ADAM23: variants seen among roughly 807,000 people sequenced by gnomAD.
ADAM23 encodes ADAM metallopeptidase domain 23, also known as disintegrin and metalloproteinase domain-containing protein 23.
Under a neutral mutation model 120.1 loss-of-function variants are expected in ADAM23, and 33 were observed. That is an observed-to-expected ratio of 0.27 (90% confidence interval 0.21 to 0.37). The LOEUF is 0.37. ADAM23 is among the 10% of genes least tolerant of loss of function. ADAM23 has a pLI of 1.00. For missense variants in ADAM23, 862 were observed against 1,058.2 expected, an observed-to-expected ratio of 0.81 and a Z score of 2.57; for synonymous variants, 367 against 375.2, an observed-to-expected ratio of 0.98 and a Z score of 0.25.
At position 206,444,068 on chromosome 2, in the gene ADAM23, G is replaced by A. The variant is rs1420777156; in HGVS notation, c.202G>A (p.Ala68Thr). ...GTCCCGGCCCCGCGCCTGGGGGGCT[G>A]CTGCGCCCAGCGGTGGGTATGGCCC... is the stretch of plus-strand genomic sequence containing the variant. ...ASSRPRAWGA[A>T]APSAPHWNET... The change falls in exon 1 of 26, where the codon GCT becomes ACT. Residue 68 changes from alanine to threonine, a missense_variant. Transcript: ENST00000264377. 1.5e-6 allele frequency: 2 copies of A among 1,368,900 alleles called. No individual in the cohort carries two copies. The highest frequency in any genetic ancestry group is 1.9e-6 in the Non-Finnish European group (2 of 1,059,484). The allele number at this position is 1,368,900 out of a possible 1,614,324, so 84.8% of individuals were successfully genotyped here.
At chr2:206,602,860 A>C (rs1682911205) in intron 24 of ADAM23, among the ~76,000 whole-genome samples, 1 of 152,172 alleles carries the variant, frequency 6.6e-6, no homozygotes, top group Admixed American at 6.5e-5. Context: ...CAAGACTGAA[A>C]ATAATAATAA....
chr2:206,577,898 A>G lies in ADAM23; in HGVS notation c.1737+4703A>G, dbSNP rs561148441. Among the ~76,000 whole-genome samples, 458 of 151,208 alleles carry G rather than the reference A, an allele frequency of 3.0e-3. 2 individuals are homozygous for G. The highest frequency in any genetic ancestry group is 0.01 in the African/African-American group (432 of 41,170). On this transcript the variant is annotated intron_variant, in intron 18 of 25. Coordinates refer to ENST00000264377, the MANE Select transcript of ADAM23 (RefSeq NM_003812.4). ...CCACCAACAGTGTAAAAGTGTTCCT[A>G]TTTCTCCACATCCTCTCCAGCACCT...
At chr2:206,507,412 C>T (rs1372405001) in intron 3 of ADAM23, among the ~76,000 whole-genome samples, 3 of 152,066 alleles carry the variant, frequency 2.0e-5, no homozygotes, top group African/African-American at 4.8e-5. Flanking sequence ...CAGCACCACC[C>T]CCCTTGCATC....
chr2:206,567,384 C>T, intron 15 of ADAM23, 62 bp downstream of exon 15: 1 of 1,372,680 alleles, frequency 7.3e-7, no homozygotes, highest in Non-Finnish European at 1.0e-6. Context: ...TACAGTGCAA[C>T]AGTGCTGGAT....
chr2:206,579,448 A>G (rs1317465439), intron 18 of ADAM23, among the ~76,000 whole-genome samples: 1 of 152,156 alleles, frequency 6.6e-6, no homozygotes, highest in Non-Finnish European at 1.5e-5. Flanking sequence ...ATTCTCCTAC[A>G]TGTGGCTAGC....
intron 3 of ADAM23, among the ~76,000 whole-genome samples, chr2:206,489,603 A>G (rs932008061): frequency 1.3e-5 from 2 of 152,172 alleles, no homozygotes; most frequent in South Asian, 2.1e-4. Context: ...GCCAAGCCCT[A>G]TGTGTACCCA....
At chr2:206,553,207 A>G (rs56090522) in intron 9 of ADAM23, among the ~76,000 whole-genome samples, 7 of 152,098 alleles carry the variant, frequency 4.6e-5, no homozygotes, top group African/African-American at 1.7e-4. Context: ...GTGAAACCCC[A>G]TTTCTACTAA....
chr2:206,503,084 C>T (rs34346460), intron 3 of ADAM23, among the ~76,000 whole-genome samples: 12,414 of 152,138 alleles, frequency 0.082, 533 homozygotes, highest in Middle Eastern at 0.12. Context: ...TATACATGTG[C>T]GTTATAATAT....
chr2:206,551,363 C>T (rs1697521960), intron 9 of ADAM23, among the ~76,000 whole-genome samples: 2 of 151,966 alleles, frequency 1.3e-5, no homozygotes, highest in African/African-American at 4.8e-5. Flanking sequence ...ACTGTTTAGG[C>T]CAATTGTAAT....
intron 3 of ADAM23, among the ~76,000 whole-genome samples, chr2:206,524,543 A>T (rs567240374): frequency 7.9e-5 from 12 of 152,338 alleles, no homozygotes; most frequent in Admixed American, 7.8e-4. Flanking sequence ...GTAATTTATA[A>T]AGAAAAAGAG....
rs1450865901 is a variant in ADAM23, at chr2:206,618,698, A to C, written c.*1071A>C. 1 of 152,208 alleles carries C rather than the reference A, an allele frequency of 6.6e-6. No individual in the cohort carries two copies. The highest frequency in any genetic ancestry group is 1.9e-4 in the East Asian group (1 of 5,194). The allele number at this position is 152,208 out of a possible 1,614,324, so 9.4% of individuals were successfully genotyped here. ...GCAGTTTAAAGTTGGTGTGCGTTAA[A>C]CCAAAAATAAAAGGGGGGACATAAA... On this transcript the variant is annotated 3_prime_UTR_variant, in exon 26 of 26. Coordinates refer to ENST00000264377, the MANE Select transcript of ADAM23 (RefSeq NM_003812.4).
rs1011999506 is a variant in ADAM23, at chr2:206,553,681, T to G, written c.933+3521T>G. ...ATGCTTTCTATGAGATGAAGGTTGT[T>G]TTTAAATTTGATTGCCACTTCAGTA... On this transcript the variant is annotated intron_variant, in intron 9 of 25. Transcript: ENST00000264377. Among the ~76,000 whole-genome samples, 10 of 152,206 alleles carry G rather than the reference T, an allele frequency of 6.6e-5. No homozygotes were observed. In the East Asian group the frequency reaches 1.9e-3, roughly 29 times the overall value.
At chr2:206,488,456 C>A (rs1465654190) in intron 3 of ADAM23, among the ~76,000 whole-genome samples, 1 of 152,084 alleles carries the variant, frequency 6.6e-6, no homozygotes, top group Non-Finnish European at 1.5e-5. Context: ...GGTAGCAGAC[C>A]CTGAGACAAG....
intron 2 of ADAM23, among the ~76,000 whole-genome samples, chr2:206,448,455 T>G (rs1695124397): frequency 6.6e-6 from 1 of 152,178 alleles, no homozygotes; most frequent in East Asian, 1.9e-4. Flanking sequence ...TTATCCTGTT[T>G]CCTGGTACAC....
In ADAM23 at chr2:206,617,971, AT is replaced by A. The variant is rs563818583; in HGVS notation, c.*352del. 1.6e-4 allele frequency: 34 copies of A among 208,724 alleles called. No homozygotes were observed. The highest frequency in any genetic ancestry group is 2.6e-4 in the Non-Finnish European group (28 of 106,304). 12.9% of individuals were successfully genotyped at this position (208,724 alleles called of 1,614,324 possible). On this transcript the variant is annotated 3_prime_UTR_variant, in exon 26 of 26. Coordinates refer to ENST00000264377, the MANE Select transcript of ADAM23 (RefSeq NM_003812.4). ...GAATCATTAAAAAAAATAGTAAATG[AT>A]TTTTTTTCCCTCAGCCTGCTGGCAC...
chr2:206,478,631 G>C (rs901229326), intron 2 of ADAM23, among the ~76,000 whole-genome samples: 2 of 152,062 alleles, frequency 1.3e-5, no homozygotes, highest in African/African-American at 2.4e-5. Context: ...TCTTGTTTGC[G>C]ATCATAAATG....
At chr2:206,515,186 G>A (rs1696704489) in intron 3 of ADAM23, among the ~76,000 whole-genome samples, 1 of 152,084 alleles carries the variant, frequency 6.6e-6, no homozygotes, top group Non-Finnish European at 1.5e-5. Context: ...GGAGAATATG[G>A]GAGTCAGAAA....
At chr2:206,516,690 A>G (rs1696738728) in intron 3 of ADAM23, among the ~76,000 whole-genome samples, 1 of 152,080 alleles carries the variant, frequency 6.6e-6, no homozygotes, top group Admixed American at 6.6e-5. Context: ...GTACCATCAC[A>G]TTGGGGGTTA....
Position 206,461,633 on chromosome 2 carries a change from G to A in ADAM23, c.432+16109G>A, listed in dbSNP as rs1006717969. Among the ~76,000 whole-genome samples the A allele has an allele frequency of 5.3e-5, 8 of 152,126 alleles. No individual in the cohort carries two copies. In the East Asian group the frequency reaches 1.5e-3, roughly 29 times the overall value. On this transcript the variant is annotated intron_variant, in intron 2 of 25. Transcript: ENST00000264377. ...AGGTCTGTATGGGGTCTGGTGGTTTGCATTTTTATAAGTCTCAGGTGATTT... is the reference window on the plus strand; with the variant it reads ...AGGTCTGTATGGGGTCTGGTGGTTTACATTTTTATAAGTCTCAGGTGATTT...
Sources: allele counts gnomAD v4.1 joint callset (sites outside exome capture counted in the v4.1 genomes callset), GRCh38; gene constraint gnomAD v4.1.1; transcripts MANE v1.5; gene names NCBI Gene and HGNC (gene_info 2026-07-23, HGNC 2026-07-21).